The following TUBGCP5 variants were observed in gnomAD, a reference collection of about 807,000 sequenced individuals.
The protein encoded by TUBGCP5 is tubulin gamma complex component 5.
Under a neutral mutation model 134.7 loss-of-function variants are expected in TUBGCP5, and 98 were observed. The observed-to-expected ratio is 0.73, with a 90% confidence interval of 0.62 to 0.86. TUBGCP5 has a LOEUF of 0.86. Among genes scored for constraint, TUBGCP5 ranks in the 40% least tolerant of loss-of-function variants. TUBGCP5 has a pLI of 0.00. For missense variants in TUBGCP5, 1,150 were observed against 1,244.8 expected (o/e 0.92, Z 1.15); for synonymous variants, 456 against 431.4 (o/e 1.06, Z -0.71).
chr15:23,026,244 CTAAG>C lies in TUBGCP5; in HGVS notation c.738-43_738-40del, dbSNP rs148832989. On this transcript the variant is annotated intron_variant, in intron 7 of 22. Coordinates refer to ENST00000615383, the MANE Select transcript of TUBGCP5 (RefSeq NM_052903.6). ...AACATAAATGTCAATAGAAAGGTTT[CTAAG>C]TAAGTAAATAACTTATCTCAAAGAA... 6.3e-3 allele frequency: 9,770 copies of C among 1,550,956 alleles called. 548 individuals carry two copies. The African/African-American group carries it at 0.12, about 19-fold the overall frequency.
intron 3 of TUBGCP5, among the ~76,000 whole-genome samples, chr15:23,033,611 T>C (rs1424538214): frequency 6.6e-6 from 1 of 152,202 alleles, no homozygotes; most frequent in Non-Finnish European, 1.5e-5. Context: ...ATCTGTATAA[T>C]AAATTCCTAA....
At chr15:23,032,936 G>T in intron 3 of TUBGCP5, 112 bp from the exon 4 acceptor site, 1 of 653,582 alleles carries the variant, frequency 1.5e-6, no homozygotes, top group Non-Finnish European at 2.5e-6. Flanking sequence ...TTCCTGGTTT[G>T]AGAAAACATG....
rs2065437070 is a variant in TUBGCP5, at chr15:23,017,976, G to GT, written c.1552_1553insA (p.Ser518TyrfsTer7). ...TTTTTCTTCATTTTCTGTCTTTTCTGATACGCTATATAACGTGTAAGTTGC... is the reference window on the plus strand; with the variant it reads ...TTTTTCTTCATTTTCTGTCTTTTCTGTATACGCTATATAACGTGTAAGTTGC... On this transcript the variant is annotated frameshift_variant, in exon 13 of 23. Coordinates refer to ENST00000615383, the MANE Select transcript of TUBGCP5 (RefSeq NM_052903.6). LOFTEE classifies it high-confidence loss of function. The GT allele has an allele frequency of 6.2e-7, 1 of 1,613,988 alleles. No homozygotes were observed. Among genetic ancestry groups the GT allele is most frequent in the Non-Finnish European group, 8.5e-7 (1 of 1,179,998 alleles).
chr15:23,028,003 G>C (rs1189812098), intron 6 of TUBGCP5, among the ~76,000 whole-genome samples: 1 of 152,074 alleles, frequency 6.6e-6, no homozygotes, highest in Non-Finnish European at 1.5e-5. Flanking sequence ...CAAGTTGTTT[G>C]AAAAAGCAGA....
rs753938135 is a variant in TUBGCP5 at position 23,008,721 on chromosome 15, G to A, written c.2305C>T (p.Arg769Cys). The change falls in exon 16 of 23, where the codon CGT (arginine) becomes TGT (cysteine). Residue 769 changes from arginine to cysteine, a missense_variant. Arg to Cys is a radical substitution (Grantham distance 180). Transcript: ENST00000615383. ...TACCGTGAACTATCTTCAGGATAAC[G>A]CTGTCCTACTGCTTCTTGGAGTTGG... ...NVQLQEAVGQ[R>C]YPEDSSRLSI... 1.8e-5 allele frequency: 29 copies of A among 1,608,104 alleles called. No homozygotes were observed. The highest frequency in any genetic ancestry group is 5.2e-5 in the Admixed American group (3 of 58,194).
chr15:23,035,959 G>T (rs916562715), intron 3 of TUBGCP5, among the ~76,000 whole-genome samples: 8 of 152,182 alleles, frequency 5.3e-5, no homozygotes, highest in African/African-American at 9.7e-5. Context: ...GAACTATAAA[G>T]AATTGAAATA....
chr15:23,012,511 A>C (rs1438953481), intron 13 of TUBGCP5, among the ~76,000 whole-genome samples: 1 of 151,866 alleles, frequency 6.6e-6, no homozygotes, highest in Non-Finnish European at 1.5e-5. Flanking sequence ...GGTTGAAGCG[A>C]TTATCTTGCC....
At chr15:22,993,106 CTCTT>C (rs1280944618) in intron 23 of TUBGCP5, among the ~76,000 whole-genome samples, 1 of 152,072 alleles carries the variant, frequency 6.6e-6, no homozygotes, top group Non-Finnish European at 1.5e-5. Context: ...TGATTGGAAA[CTCTT>C]TATTTTTGAG....
intron 4 of TUBGCP5, 70 bp downstream of exon 4, chr15:23,032,658 G>C (rs1270543547): frequency 2.9e-6 from 3 of 1,051,656 alleles, no homozygotes; most frequent in Non-Finnish European, 4.1e-6. Flanking sequence ...ATAAAACTCA[G>C]TGTTTAGCAA....
chr15:22,992,608 T>TG (rs919080411), intron 23 of TUBGCP5, among the ~76,000 whole-genome samples: 54 of 152,274 alleles, frequency 3.5e-4, no homozygotes, highest in African/African-American at 1.1e-3. Context: ...CAGGTGGGCA[T>TG]GGCTCTGGGA....
At chr15:23,005,376 A>G (rs2064641197) in intron 19 of TUBGCP5, 56 bp downstream of exon 19, 1 of 1,559,152 alleles carries the variant, frequency 6.4e-7, no homozygotes, top group Non-Finnish European at 8.7e-7. Flanking sequence ...GTAATTCTCT[A>G]CGAACAACTG....
chr15:23,001,155 G>A (rs940099744), intron 21 of TUBGCP5, among the ~76,000 whole-genome samples: 49 of 151,994 alleles, frequency 3.2e-4, no homozygotes, highest in African/African-American at 1.2e-3. Context: ...TGATTCTCCT[G>A]CCTCAGCCTC....
chr15:23,002,980 G>T, intron 21 of TUBGCP5, 85 bp downstream of exon 21: 1 of 1,368,134 alleles, frequency 7.3e-7, no homozygotes, highest in Non-Finnish European at 1.0e-6. Context: ...CCTCCTGAAT[G>T]GCTGGGAAGA....
intron 23 of TUBGCP5, among the ~76,000 whole-genome samples, chr15:22,990,316 C>G (rs1037514259): frequency 6.6e-6 from 1 of 152,120 alleles, no homozygotes; most frequent in South Asian, 2.1e-4. Context: ...CCACTACGGG[C>G]ACTGCACCCC....
chr15:23,036,186 T>G (rs571111752), intron 3 of TUBGCP5, among the ~76,000 whole-genome samples: 1 of 152,166 alleles, frequency 6.6e-6, no homozygotes, highest in Non-Finnish European at 1.5e-5. Flanking sequence ...AGGTCAGCCA[T>G]GTGGGCTCTG....
intron 1 of TUBGCP5, 50 bp downstream of exon 1, chr15:23,039,348 G>A: frequency 7.6e-7 from 1 of 1,311,396 alleles, no homozygotes; most frequent in African/African-American, 1.5e-5. Flanking sequence ...GGACCCACGC[G>A]CGGGCTCCGG....
chr15:23,034,426 G>A (rs984033028), intron 3 of TUBGCP5, among the ~76,000 whole-genome samples: 1 of 152,188 alleles, frequency 6.6e-6, no homozygotes, highest in African/African-American at 2.4e-5. Context: ...GAAAAATGTG[G>A]ATAACAAGGA....
chr15:23,037,668 T>G (rs2066673974), intron 1 of TUBGCP5, among the ~76,000 whole-genome samples: 1 of 152,186 alleles, frequency 6.6e-6, no homozygotes, highest in Non-Finnish European at 1.5e-5. Context: ...TTAACTACCA[T>G]TAAAGTAACA....
chr15:23,019,089 T>A (rs935624448), intron 12 of TUBGCP5, 130 bp downstream of exon 12: 3 of 565,120 alleles, frequency 5.3e-6, no homozygotes, highest in Non-Finnish European at 9.1e-6. Flanking sequence ...TTGCCTATGA[T>A]GACGACAAGT....
Sources: gnomAD v4.1 joint callset for allele counts (sites outside exome capture counted in the v4.1 genomes callset) on GRCh38, gnomAD v4.1.1 for gene constraint, MANE v1.5 for transcripts, NCBI Gene and HGNC (gene_info 2026-07-23, HGNC 2026-07-21) for gene names.